The following CACNA1B variants were observed in gnomAD, a reference collection of about 807,000 sequenced individuals.
CACNA1B encodes calcium voltage-gated channel subunit alpha1 B, also known as voltage-dependent N-type calcium channel subunit alpha-1B.
CACNA1B carries 70 observed loss-of-function variants against 247.2 expected under a neutral mutation model. The ratio of observed to expected loss-of-function variants is 0.28; its 90% CI spans 0.23 to 0.35. The LOEUF (loss-of-function observed/expected upper bound fraction) is 0.35, where lower values mean the gene tolerates loss of function less well. CACNA1B is among the 10% of genes least tolerant of loss of function. The pLI is 1.00. For synonymous variants in CACNA1B, 1,231 were observed against 1,294.4 expected, an observed-to-expected ratio of 0.95 and a Z score of 1.05; for missense variants, 2,367 against 3,197.4, an observed-to-expected ratio of 0.74 and a Z score of 6.26.
At chr9:138,005,798 C>G (rs954170804) in intron 15 of CACNA1B, among the ~76,000 whole-genome samples, 13 of 152,110 alleles carry the variant, frequency 8.5e-5, no homozygotes, top group African/African-American at 2.9e-4. Flanking sequence ...AATCCCAGCA[C>G]TTTGGGAGGC....
At chr9:138,068,763 G>A in intron 31 of CACNA1B, 1 of 426,980 alleles carries the variant, frequency 2.3e-6, no homozygotes, top group Non-Finnish European at 4.7e-6. Flanking sequence ...ACAAAGTGGA[G>A]GGTGCCTGGC....
chr9:137,879,819 T>A lies in CACNA1B; in HGVS notation c.390+660T>A, dbSNP rs577322261. Among the ~76,000 whole-genome samples, 15 of 151,996 alleles carry A rather than the reference T, an allele frequency of 9.9e-5. No individual in the cohort carries two copies. The East Asian group carries it at 2.9e-3, about 29-fold the overall frequency. On this transcript the variant is annotated intron_variant, in intron 2 of 46. Coordinates refer to ENST00000371372, the MANE Select transcript of CACNA1B (RefSeq NM_000718.4). ...AAGGTGGAAGGCCAGCCCTGTGGGG[T>A]CTCTGGAGGGGCTGGGTCAGAGGAA...
In CACNA1B at chr9:137,880,994, C is replaced by T. The variant is rs1388511536; in HGVS notation, c.391-1750C>T. 2.0e-5 allele frequency among the ~76,000 whole-genome samples: 3 copies of T among 152,252 alleles called. No individual in the cohort carries two copies. On this transcript the variant is annotated intron_variant, in intron 2 of 46. Transcript: ENST00000371372. This position sits in a 1 kb window ranked among gnomAD's most constrained non-coding sequence, Gnocchi z 4.8. ...CACCCATCCCTCCCACCTAAGCCAG[C>T]CTTCAGCCATGGGCTGGGCAGGGCA...
intron 18 of CACNA1B, among the ~76,000 whole-genome samples, chr9:138,016,061 G>C (rs1958788241): frequency 6.6e-6 from 1 of 151,444 alleles, no homozygotes; most frequent in South Asian, 2.1e-4. Flanking sequence ...GACTCACACA[G>C]ACACACACAC....
chr9:137,953,990 C>T (rs1957912299), intron 7 of CACNA1B, among the ~76,000 whole-genome samples: 1 of 152,176 alleles, frequency 6.6e-6, no homozygotes, highest in Non-Finnish European at 1.5e-5. Flanking sequence ...CTTCCTTCTG[C>T]ATCCCTCTAG....
chr9:138,115,424 G>T, intron 41 of CACNA1B, 128 bp from the exon 42 acceptor site: 4 of 969,328 alleles, frequency 4.1e-6, no homozygotes, highest in Non-Finnish European at 6.1e-6. Context: ...TTGCTAAGGG[G>T]AAAGAGCCCT....
intron 20 of CACNA1B, among the ~76,000 whole-genome samples, chr9:138,026,684 T>C (rs892905165): frequency 2.6e-5 from 4 of 152,250 alleles, no homozygotes; most frequent in Non-Finnish European, 5.9e-5. Flanking sequence ...TTGAAGGACA[T>C]CTTGTTGCTT....
rs201556124 is a variant in CACNA1B at position 137,882,780 on chromosome 9, T to C, written c.427T>C (p.Phe143Leu). The C allele has an allele frequency of 3.2e-5, 51 of 1,613,848 alleles. No individual in the cohort carries two copies. Among genetic ancestry groups the C allele is most frequent in the Non-Finnish European group, 4.2e-5 (49 of 1,179,860 alleles). ...TEPYFIGIFC[F>L]EAGIKIIALG... ...GCCCTATTTCATCGGGATCTTTTGC[T>C]TCGAGGCAGGGATCAAAATCATCGC... The change falls in exon 3 of 47, where the codon TTC (phenylalanine) becomes CTC (leucine). Residue 143 changes from phenylalanine to leucine, a missense_variant. Transcript: ENST00000371372. This position sits in a 1 kb window ranked among gnomAD's most constrained non-coding sequence, Gnocchi z 4.0.
At chr9:138,030,955 C>T (rs556125264) in intron 20 of CACNA1B, among the ~76,000 whole-genome samples, 9 of 152,078 alleles carry the variant, frequency 5.9e-5, no homozygotes, top group African/African-American at 2.2e-4. Flanking sequence ...GTGAGTCTTA[C>T]GAGGAGTTTG....
rs540535185 is a variant in CACNA1B at position 138,013,268 on chromosome 9, A to G, written c.2267+33A>G. ...TCCTAGGAGTGGATTGTGGGGTGGC[A>G]GTGGGGCTGCTGCAGGGTCCCATGG... On this transcript the variant is annotated intron_variant, in intron 18 of 46. Transcript: ENST00000371372. 1.3e-5 allele frequency: 19 copies of G among 1,498,228 alleles called. No individual in the cohort carries two copies. In the East Asian group the frequency reaches 3.8e-4, roughly 30 times the overall value. The allele number at this position is 1,498,228 out of a possible 1,614,324, so 92.8% of individuals were successfully genotyped here. A position where few individuals can be genotyped will look rare whatever the true frequency, so the allele number is the denominator to read the frequency against.
At chr9:137,892,114 G>T in intron 3 of CACNA1B, 1 of 456,966 alleles carries the variant, frequency 2.2e-6, no homozygotes. Context: ...AAGTTTCCCT[G>T]CTGGCTCACC....
intron 6 of CACNA1B, among the ~76,000 whole-genome samples, chr9:137,949,109 G>GTGGT (rs1564203161): frequency 2.0e-5 from 1 of 51,162 alleles, no homozygotes; most frequent in Non-Finnish European, 4.6e-5. Context: ...TGTTTGTGGT[G>GTGGT]GCTGTGTGTC....
In CACNA1B at chr9:137,932,619, G is replaced by T. The variant is rs1363254298; in HGVS notation, c.966+15188G>T. 2.0e-5 allele frequency among the ~76,000 whole-genome samples: 3 copies of T among 152,156 alleles called. 1 individual carries two copies. Among genetic ancestry groups the T allele is most frequent in the Non-Finnish European group, 4.4e-5 (3 of 68,014 alleles). ...CTCTTTTCCCAGTGGAGGTAGTTAG[G>T]CTTAGTGTCCAGTAACAATCACCCA... is the stretch of plus-strand genomic sequence containing the variant. On this transcript the variant is annotated intron_variant, in intron 6 of 46. Coordinates refer to ENST00000371372, the MANE Select transcript of CACNA1B (RefSeq NM_000718.4).
At chr9:138,062,807 C>T (rs551785218) in intron 31 of CACNA1B, among the ~76,000 whole-genome samples, 32 of 152,348 alleles carry the variant, frequency 2.1e-4, no homozygotes, top group African/African-American at 7.5e-4. Context: ...CTATCACATC[C>T]TGGGTCTGTT....
intron 19 of CACNA1B, among the ~76,000 whole-genome samples, chr9:138,024,268 A>G (rs1958892180): frequency 6.6e-6 from 1 of 152,188 alleles, no homozygotes; most frequent in African/African-American, 2.4e-5. Flanking sequence ...CTGTGTGACC[A>G]TGACAGAAAG....
Position 137,885,132 on chromosome 9 carries a change from C to T in CACNA1B, c.530+2249C>T, listed in dbSNP as rs563647057. Among the ~76,000 whole-genome samples the T allele has an allele frequency of 2.9e-4, 43 of 150,096 alleles. No individual in the cohort carries two copies. The East Asian group carries it at 8.1e-3, about 28-fold the overall frequency. On this transcript the variant is annotated intron_variant, in intron 3 of 46. Coordinates refer to ENST00000371372, the MANE Select transcript of CACNA1B (RefSeq NM_000718.4). The stretch of plus-strand genomic sequence containing the variant: ...GCCTGTGTCTGCAGCAGGGCCTGGG[C>T]GTTGCTGGGGTGGCTCCCAGGTTCC...
At position 138,012,422 on chromosome 9, in the gene CACNA1B, A is replaced by T; in HGVS notation, c.2161-707A>T. 6.6e-6 allele frequency among the ~76,000 whole-genome samples: 1 copy of T among 152,122 alleles called. No individual in the cohort carries two copies. Among genetic ancestry groups the T allele is most frequent in the African/African-American group, 2.4e-5 (1 of 41,434 alleles). ...AAAAGGAGGGACAGATTTGCATTTC[A>T]GTGGGCAAGTTTGAGGTGCCATGGT... On this transcript the variant is annotated intron_variant, in intron 17 of 46. Transcript: ENST00000371372. The surrounding 1 kb of genome is among the most constrained non-coding windows in gnomAD (Gnocchi z 4.2).
At chr9:137,943,746 T>C (rs2133322917) in intron 6 of CACNA1B, among the ~76,000 whole-genome samples, 1 of 152,246 alleles carries the variant, frequency 6.6e-6, no homozygotes, top group African/African-American at 2.4e-5. Context: ...AGGGGGTGGT[T>C]GTCAGCAGGC....
rs931141204 is a variant in CACNA1B, at chr9:137,954,034, G to A, written c.1070+1657G>A. Among the ~76,000 whole-genome samples, 5 of 152,188 alleles carry A rather than the reference G, an allele frequency of 3.3e-5. No individual in the cohort carries two copies. The highest frequency in any genetic ancestry group is 2.0e-4 in the Admixed American group (3 of 15,286). Reference sequence around the variant, plus strand: ...CAGAATAGCCTGAGGGGCTGGAGGGGAGGCCCAAGGCAGGGCCTGCACGGT... The same window carrying A: ...CAGAATAGCCTGAGGGGCTGGAGGGAAGGCCCAAGGCAGGGCCTGCACGGT... On this transcript the variant is annotated intron_variant, in intron 7 of 46. Transcript: ENST00000371372. This position sits in a 1 kb window ranked among gnomAD's most constrained non-coding sequence, Gnocchi z 4.1.
Sources: allele counts gnomAD v4.1 joint callset (sites outside exome capture counted in the v4.1 genomes callset), GRCh38; gene constraint gnomAD v4.1.1; non-coding constraint Gnocchi (gnomAD v3.1); transcripts MANE v1.5; gene names NCBI Gene and HGNC (gene_info 2026-07-23, HGNC 2026-07-21).